Variants in TMEM132B observed in about 807,000 individuals in gnomAD.
TMEM132B encodes the protein transmembrane protein 132B.
A neutral mutation model predicts 90.8 loss-of-function variants in TMEM132B; 18 were observed. That is an observed-to-expected ratio of 0.20 (90% CI 0.14 to 0.29). TMEM132B has a LOEUF of 0.29. Among genes scored for constraint, TMEM132B ranks in the 10% least tolerant of loss-of-function variants. The pLI is 1.00. For missense variants in TMEM132B, 1,096 were observed against 1,326.8 expected (o/e 0.83, Z 2.70); for synonymous variants, 504 against 523.3 (o/e 0.96, Z 0.50).
chr12:125,373,597 GCCC>G (rs1419999143), intron 2 of TMEM132B, among the ~76,000 whole-genome samples: 28 of 152,162 alleles, frequency 1.8e-4, no homozygotes, highest in Non-Finnish European at 3.1e-4. Flanking sequence ...TCGTATGGCA[GCCC>G]CAGCTTCCTT....
chr12:125,349,322 G>A lies in TMEM132B; in HGVS notation c.68-130G>A, dbSNP rs1448097990. ...TTTATATAATTACAGGGCTTTCACT[G>A]TGATGAGACCTGGGGGAGAAACAGT... On this transcript the variant is annotated intron_variant, in intron 1 of 8. Coordinates refer to ENST00000682704, the MANE Select transcript of TMEM132B (RefSeq NM_001366854.1). This position sits in a 1 kb window ranked among gnomAD's most constrained non-coding sequence, Gnocchi z 4.1. The A allele has an allele frequency of 4.0e-6, 4 of 993,350 alleles. No homozygotes were observed. The highest frequency in any genetic ancestry group is 3.2e-4 in the Middle Eastern group (1 of 3,106). 61.5% of individuals were successfully genotyped at this position (993,350 alleles called of 1,614,324 possible).
At chr12:125,549,899 G>T (rs1162469794) in intron 4 of TMEM132B, among the ~76,000 whole-genome samples, 1 of 152,172 alleles carries the variant, frequency 6.6e-6, no homozygotes, top group Non-Finnish European at 1.5e-5. Flanking sequence ...TCTAGAACGA[G>T]CATGTGCCAG....
intron 1 of TMEM132B, among the ~76,000 whole-genome samples, chr12:125,341,603 CCTGA>C (rs763385511): frequency 3.9e-5 from 6 of 152,108 alleles, no homozygotes; most frequent in African/African-American, 9.7e-5. Context: ...CTCTCCTTAC[CCTGA>C]CTATTCATTT....
At chr12:125,562,793 C>T (rs1213652194) in intron 4 of TMEM132B, among the ~76,000 whole-genome samples, 1 of 152,130 alleles carries the variant, frequency 6.6e-6, no homozygotes. Flanking sequence ...TCTTTTCCTG[C>T]TGCCATGTAA....
intron 1 of TMEM132B, among the ~76,000 whole-genome samples, chr12:125,320,853 T>A (rs184866601): frequency 5.9e-5 from 9 of 152,346 alleles, no homozygotes; most frequent in Non-Finnish European, 1.0e-4. Flanking sequence ...ATTATCTCTC[T>A]ATTTGCAATT....
intron 2 of TMEM132B, among the ~76,000 whole-genome samples, chr12:125,402,459 G>A (rs1480380183): frequency 6.6e-6 from 1 of 152,224 alleles, no homozygotes; most frequent in Non-Finnish European, 1.5e-5. Context: ...TTACCGGCAT[G>A]AATCACCATG....
At chr12:125,381,190 C>A (rs1253866922) in intron 2 of TMEM132B, among the ~76,000 whole-genome samples, 9 of 152,200 alleles carry the variant, frequency 5.9e-5, no homozygotes, top group Non-Finnish European at 1.3e-4. Context: ...ATTCCACACA[C>A]CTTTCAACCT....
intron 5 of TMEM132B, among the ~76,000 whole-genome samples, chr12:125,637,082 C>T (rs1886501947): frequency 6.6e-6 from 1 of 152,066 alleles, no homozygotes; most frequent in Non-Finnish European, 1.5e-5. Context: ...AGTTTGTTAC[C>T]CTGCAGCCAC....
At chr12:125,528,743 T>A (rs765364994) in intron 4 of TMEM132B, among the ~76,000 whole-genome samples, 2 of 152,222 alleles carry the variant, frequency 1.3e-5, no homozygotes, top group African/African-American at 2.4e-5. Flanking sequence ...AATAGACTAC[T>A]GTTGACTAGA....
At chr12:125,419,507 A>G (rs763775620) in intron 3 of TMEM132B, among the ~76,000 whole-genome samples, 8 of 152,204 alleles carry the variant, frequency 5.3e-5, no homozygotes, top group Non-Finnish European at 1.0e-4. Context: ...CAAGAATAGC[A>G]TGAGAAAGAC....
intron 1 of TMEM132B, among the ~76,000 whole-genome samples, chr12:125,259,206 T>C (rs977751363): frequency 4.6e-5 from 7 of 152,264 alleles, no homozygotes; most frequent in Non-Finnish European, 7.3e-5. Context: ...TGTCTACTTC[T>C]TGATGCTTTG....
At chr12:125,391,050 TG>T (rs1878999587) in intron 2 of TMEM132B, among the ~76,000 whole-genome samples, 1 of 150,432 alleles carries the variant, frequency 6.6e-6, no homozygotes, top group African/African-American at 2.5e-5. Flanking sequence ...AGTGTGTGTG[TG>T]TGTGTGTGTG....
intron 3 of TMEM132B, among the ~76,000 whole-genome samples, chr12:125,510,564 C>G (rs745340225): frequency 6.6e-6 from 1 of 152,080 alleles, no homozygotes; most frequent in African/African-American, 2.4e-5. Context: ...TCTATGTTTA[C>G]GTAAAATATT....
intron 5 of TMEM132B, among the ~76,000 whole-genome samples, chr12:125,608,155 A>C (rs1164503775): frequency 1.3e-5 from 2 of 152,194 alleles, no homozygotes; most frequent in Admixed American, 1.3e-4. Flanking sequence ...TTACATTTTG[A>C]AAAACTGTTG....
At chr12:125,632,380 T>C (rs538151182) in intron 5 of TMEM132B, among the ~76,000 whole-genome samples, 54 of 152,266 alleles carry the variant, frequency 3.5e-4, no homozygotes, top group African/African-American at 1.1e-3. Context: ...TATTTTTGAT[T>C]GGTTCATCAT....
At chr12:125,200,547 G>A (rs948607835) in intron 1 of TMEM132B, among the ~76,000 whole-genome samples, 1 of 152,164 alleles carries the variant, frequency 6.6e-6, no homozygotes, top group African/African-American at 2.4e-5. Flanking sequence ...CATGAGATGG[G>A]GGATTCCTCA....
intron 2 of TMEM132B, among the ~76,000 whole-genome samples, chr12:125,381,457 A>T (rs1878678599): frequency 6.6e-6 from 1 of 152,226 alleles, no homozygotes; most frequent in Non-Finnish European, 1.5e-5. Flanking sequence ...ATTGTCCCTC[A>T]GGAAAATGGG....
chr12:125,549,605 T>G (rs1884170509), intron 4 of TMEM132B, among the ~76,000 whole-genome samples: 1 of 152,238 alleles, frequency 6.6e-6, no homozygotes, highest in Non-Finnish European at 1.5e-5. Flanking sequence ...ACACATGTGA[T>G]GGAAGCTCTT....
chr12:125,210,054 G>A (rs114243098), intron 1 of TMEM132B, among the ~76,000 whole-genome samples: 4,337 of 152,286 alleles, frequency 0.028, 78 homozygotes, highest in Admixed American at 0.036. Flanking sequence ...CTCAGCTCTT[G>A]CAGGGTGGAC....
Sources: gnomAD v4.1 joint callset for allele counts (sites outside exome capture counted in the v4.1 genomes callset) on GRCh38, gnomAD v4.1.1 for gene constraint, Gnocchi (gnomAD v3.1) non-coding constraint, MANE v1.5 for transcripts, NCBI Gene and HGNC (gene_info 2026-07-23, HGNC 2026-07-21) for gene names.